The following ENTREP2 variants were observed in gnomAD, a reference collection of about 807,000 sequenced individuals.
ENTREP2 encodes endosomal transmembrane epsin interactor 2.
At chr15:29,301,673 C>T in the ENTREP2 span, among the ~76,000 whole-genome samples, 1 of 152,178 alleles carries the variant, frequency 6.6e-6, no homozygotes, top group African/African-American at 2.4e-5. Context: ...GTTCTGTAAT[C>T]TGAACGTTGT....
At chr15:29,267,948 G>A in the ENTREP2 span, 1 of 152,120 alleles carries the variant, frequency 6.6e-6, no homozygotes, top group Non-Finnish European at 1.5e-5. Context: ...CATGGTTAAT[G>A]GTTACGCTAT....
the ENTREP2 span, among the ~76,000 whole-genome samples, chr15:29,235,293 G>C: frequency 6.6e-6 from 1 of 152,204 alleles, no homozygotes; most frequent in African/African-American, 2.4e-5. Context: ...GATTGGTCCT[G>C]TTTACAGGTT....
the ENTREP2 span, among the ~76,000 whole-genome samples, chr15:29,439,626 A>T: frequency 6.6e-6 from 1 of 152,186 alleles, no homozygotes; most frequent in Non-Finnish European, 1.5e-5. Context: ...GAATGCTAAC[A>T]TCAGTGCTTG....
chr15:29,606,382 G>A, the ENTREP2 span, among the ~76,000 whole-genome samples: 28 of 151,340 alleles, frequency 1.9e-4, no homozygotes, highest in East Asian at 1.8e-3. Flanking sequence ...CTACAAGCGC[G>A]CGCCACCACA....
chr15:29,167,936 T>C, the ENTREP2 span, among the ~76,000 whole-genome samples: 18 of 152,278 alleles, frequency 1.2e-4, no homozygotes, highest in African/African-American at 4.1e-4. Context: ...TGCCCATCAA[T>C]CAATGAGTGG....
At chr15:29,215,577 AAT>A in the ENTREP2 span, among the ~76,000 whole-genome samples, 1,056 of 144,610 alleles carry the variant, frequency 7.3e-3, 7 homozygotes, top group African/African-American at 0.022. Flanking sequence ...AAATATATAT[AAT>A]ATATATATAT....
At chr15:29,673,863 C>T in the ENTREP2 span, among the ~76,000 whole-genome samples, 1 of 152,174 alleles carries the variant, frequency 6.6e-6, no homozygotes. Flanking sequence ...CTTTCACTGT[C>T]ATAGTTGTCT....
At chr15:29,466,986 G>A in the ENTREP2 span, among the ~76,000 whole-genome samples, 3 of 143,344 alleles carry the variant, frequency 2.1e-5, no homozygotes, top group African/African-American at 7.8e-5. Flanking sequence ...CCCCAGGGGA[G>A]GGCCCGGGGA....
chr15:29,123,686 A>T, the ENTREP2 span: 1 of 1,524,900 alleles, frequency 6.6e-7, no homozygotes, highest in South Asian at 1.2e-5. Context: ...TGCAGTTCAA[A>T]ACTCACTGAA....
chr15:29,410,943 G>A, the ENTREP2 span, among the ~76,000 whole-genome samples: 10 of 152,150 alleles, frequency 6.6e-5, no homozygotes, highest in East Asian at 1.9e-4. Context: ...GCGCCACCGC[G>A]CCCAGCTAAT....
chr15:29,368,327 CAA>C, the ENTREP2 span, among the ~76,000 whole-genome samples: 4 of 139,064 alleles, frequency 2.9e-5, no homozygotes, highest in Non-Finnish European at 4.6e-5. Context: ...GACTCCATCT[CAA>C]AAAAAAAAAT....
chr15:29,642,480 CACATATAT>C, the ENTREP2 span, among the ~76,000 whole-genome samples: 11 of 134,536 alleles, frequency 8.2e-5, no homozygotes, highest in African/African-American at 1.1e-4. Flanking sequence ...ACTGTATATA[CACATATAT>C]ACATATATAC....
At chr15:29,582,037 G>T in the ENTREP2 span, among the ~76,000 whole-genome samples, 1 of 151,296 alleles carries the variant, frequency 6.6e-6, no homozygotes, top group South Asian at 2.1e-4. Flanking sequence ...TGCCTCCCAG[G>T]TTCAAGAGAT....
the ENTREP2 span, among the ~76,000 whole-genome samples, chr15:29,538,725 T>A: frequency 6.7e-6 from 1 of 148,522 alleles, no homozygotes; most frequent in East Asian, 2.0e-4. Context: ...AGGAGAATGG[T>A]GTGAACCTGG....
the ENTREP2 span, among the ~76,000 whole-genome samples, chr15:29,124,145 C>A: frequency 6.6e-6 from 1 of 152,208 alleles, no homozygotes; most frequent in Non-Finnish European, 1.5e-5. Context: ...CCACTGCCTG[C>A]CAGGCCAGAG....
At chr15:29,443,982 T>C in the ENTREP2 span, among the ~76,000 whole-genome samples, 2 of 151,928 alleles carry the variant, frequency 1.3e-5, no homozygotes, top group Admixed American at 1.3e-4. Context: ...TGGGCGCCTG[T>C]AGTCCCAGCT....
At chr15:29,382,665 T>G in the ENTREP2 span, among the ~76,000 whole-genome samples, 1 of 152,154 alleles carries the variant, frequency 6.6e-6, no homozygotes, top group African/African-American at 2.4e-5. Flanking sequence ...CACTGTGACT[T>G]CTGTCCCTTA....
At chr15:29,405,733 C>T in the ENTREP2 span, among the ~76,000 whole-genome samples, 1 of 152,218 alleles carries the variant, frequency 6.6e-6, no homozygotes, top group Non-Finnish European at 1.5e-5. Flanking sequence ...CAGTGCCCAC[C>T]GGAGCAAGGG....
At chr15:29,448,713 T>C in the ENTREP2 span, among the ~76,000 whole-genome samples, 1 of 152,194 alleles carries the variant, frequency 6.6e-6, no homozygotes, top group African/African-American at 2.4e-5. Flanking sequence ...TTTTGAAAAC[T>C]CTTCCATATG....
Sources: gnomAD v4.1 joint callset for allele counts (sites outside exome capture counted in the v4.1 genomes callset) on GRCh38, gnomAD v4.1.1 for gene constraint, MANE v1.5 for transcripts, NCBI Gene and HGNC (gene_info 2026-07-23, HGNC 2026-07-21) for gene names.